The following ARHGAP6 variants were observed in gnomAD, a reference collection of about 807,000 sequenced individuals.
ARHGAP6 encodes Rho GTPase activating protein 6.
A neutral mutation model predicts 55.7 loss-of-function variants in ARHGAP6; 16 were observed. The ratio of observed to expected loss-of-function variants is 0.29; its 90% confidence interval spans 0.19 to 0.44. ARHGAP6 has a LOEUF of 0.44. ARHGAP6 is among the 20% of genes least tolerant of loss of function. The pLI, the probability that ARHGAP6 is intolerant of heterozygous loss-of-function variation, is 1.00. For synonymous variants in ARHGAP6, 382 were observed against 360.9 expected (o/e 1.06, Z -0.66); for missense variants, 698 against 808.9 (o/e 0.86, Z 1.66).
intron 1 of ARHGAP6, among the ~76,000 whole-genome samples, chrX:11,308,257 T>C (rs138891386): frequency 0.014 from 1,614 of 112,352 alleles, 31 homozygotes; most frequent in African/African-American, 0.05. Context: ...CCAGCAAGTA[T>C]TTAATTAGGC....
At position 11,664,360 on chromosome X, in the gene ARHGAP6, A is replaced by T; in HGVS notation, c.469T>A (p.Cys157Ser). ...CCATTGGGGCCTCCCCCGGATGAAC[A>T]GAGGATGCTGGAAGCGCTTCGGCTA... ...ASSRSASSIL[C>S]SSGGGPNGIF... The change falls in exon 1 of 13, where the codon TGT (cysteine) becomes AGT (serine). Residue 157 changes from cysteine to serine, a missense_variant. Transcript: ENST00000337414. 8.2e-7 allele frequency: 1 copy of T among 1,212,302 alleles called. No individual in the cohort carries two copies. Among genetic ancestry groups the T allele is most frequent in the African/African-American group, 1.7e-5 (1 of 58,037 alleles).
At chrX:11,226,802 T>A (rs995134778) in intron 2 of ARHGAP6, among the ~76,000 whole-genome samples, 8 of 111,430 alleles carry the variant, frequency 7.2e-5, no homozygotes, top group African/African-American at 2.6e-4. Context: ...AATGTAGGAG[T>A]GTTTTATGGC....
intron 1 of ARHGAP6, among the ~76,000 whole-genome samples, chrX:11,495,093 T>G (rs1287692763): frequency 8.9e-6 from 1 of 112,228 alleles, no homozygotes; most frequent in Non-Finnish European, 1.9e-5. Flanking sequence ...CAATAATGTT[T>G]GAGCCAAGTA....
intron 1 of ARHGAP6, among the ~76,000 whole-genome samples, chrX:11,483,218 C>T (rs759300930): frequency 8.9e-6 from 1 of 111,878 alleles, no homozygotes; most frequent in Non-Finnish European, 1.9e-5. Flanking sequence ...ACAGAACTTG[C>T]AATGTGTTCA....
At chrX:11,468,243 T>C (rs945743051) in intron 1 of ARHGAP6, among the ~76,000 whole-genome samples, 2 of 111,751 alleles carry the variant, frequency 1.8e-5, no homozygotes, top group African/African-American at 6.5e-5. Context: ...CTTTTGTGTG[T>C]ATACATTTCA....
At position 11,286,606 on chromosome X, in the gene ARHGAP6, CCT is replaced by C; in HGVS notation, c.589-31901_589-31900del. Among the ~76,000 whole-genome samples the C allele has an allele frequency of 4.5e-5, 5 of 111,236 alleles. No homozygotes were observed. In the Admixed American group the frequency reaches 4.8e-4, roughly 11 times the overall value. The stretch of plus-strand genomic sequence containing the variant: ...GTTTCAACTAGGGGCGAATTTGCCC[CCT>C]CACTCCCCCATCAAACATATGCGAT... On this transcript the variant is annotated intron_variant, in intron 1 of 12. Coordinates refer to ENST00000337414, the MANE Select transcript of ARHGAP6 (RefSeq NM_013427.3).
rs189853143 is a variant in ARHGAP6 at position 11,443,244 on chromosome X, G to A, written c.589-188537C>T. Among the ~76,000 whole-genome samples, 31 of 112,494 alleles carry A rather than the reference G, an allele frequency of 2.8e-4. 1 individual carries two copies. The East Asian group carries it at 7.0e-3, about 25-fold the overall frequency. ...GCAGGTAGCGAGACTCCTCTTCATC[G>A]CTAAAAGTATTCCATCATATGAATA... On this transcript the variant is annotated intron_variant, in intron 1 of 12. Transcript: ENST00000337414.
chrX:11,459,892 T>C (rs2050227708), intron 1 of ARHGAP6, among the ~76,000 whole-genome samples: 1 of 111,248 alleles, frequency 9.0e-6, no homozygotes, highest in Non-Finnish European at 1.9e-5. Context: ...GTTGTGCATT[T>C]AATAGTGAGT....
At chrX:11,424,900 G>T (rs1440525517) in intron 1 of ARHGAP6, among the ~76,000 whole-genome samples, 4 of 112,316 alleles carry the variant, frequency 3.6e-5, no homozygotes, top group African/African-American at 1.3e-4. Context: ...GTAAATGGAG[G>T]ATGTTCTTGT....
intron 1 of ARHGAP6, among the ~76,000 whole-genome samples, chrX:11,476,517 A>C (rs777389506): frequency 8.9e-6 from 1 of 111,851 alleles, no homozygotes; most frequent in South Asian, 3.7e-4. Flanking sequence ...ATACATTTTG[A>C]ATAGGAATAA....
At chrX:11,225,938 T>C (rs1158333790) in intron 2 of ARHGAP6, among the ~76,000 whole-genome samples, 1 of 110,214 alleles carries the variant, frequency 9.1e-6, no homozygotes, top group Non-Finnish European at 1.9e-5. Context: ...GGATTTATAG[T>C]TTTTACTTTT....
chrX:11,478,211 T>C (rs191418156), intron 1 of ARHGAP6, among the ~76,000 whole-genome samples: 13 of 111,405 alleles, frequency 1.2e-4, no homozygotes, highest in Admixed American at 1.0e-3. Context: ...GAGAAATGAG[T>C]ATGTATGTCC....
At chrX:11,241,364 A>G (rs2047275435) in intron 2 of ARHGAP6, among the ~76,000 whole-genome samples, 1 of 111,087 alleles carries the variant, frequency 9.0e-6, no homozygotes, top group Non-Finnish European at 1.9e-5. Context: ...ATTGGTGAAA[A>G]AGATGAGAAA....
At chrX:11,603,122 AT>A (rs1315800108) in intron 1 of ARHGAP6, among the ~76,000 whole-genome samples, 1 of 111,778 alleles carries the variant, frequency 8.9e-6, no homozygotes, top group African/African-American at 3.3e-5. Context: ...GCAGAGTGGA[AT>A]TTCTGCCCTG....
chrX:11,539,727 A>G (rs2051138349), intron 1 of ARHGAP6, among the ~76,000 whole-genome samples: 1 of 111,720 alleles, frequency 9.0e-6, no homozygotes, highest in Non-Finnish European at 1.9e-5. Flanking sequence ...CCACTGTTTT[A>G]GGAGGGGTTG....
chrX:11,267,247 A>T (rs910886178), intron 1 of ARHGAP6, among the ~76,000 whole-genome samples: 1 of 112,177 alleles, frequency 8.9e-6, no homozygotes, highest in Admixed American at 9.5e-5. Context: ...TAGGCAAATG[A>T]TCCTTTAGTT....
At chrX:11,323,702 T>A in intron 1 of ARHGAP6, among the ~76,000 whole-genome samples, 1 of 109,319 alleles carries the variant, frequency 9.1e-6, no homozygotes, top group Middle Eastern at 4.6e-3. Flanking sequence ...CTGTCTCTAC[T>A]AAAAATACAA....
intron 2 of ARHGAP6, among the ~76,000 whole-genome samples, chrX:11,240,954 G>T (rs1407884573): frequency 1.0e-5 from 1 of 99,716 alleles, no homozygotes; most frequent in Non-Finnish European, 2.0e-5. Flanking sequence ...GTGGGGTGGG[G>T]TGGGGGGCTG....
intron 1 of ARHGAP6, among the ~76,000 whole-genome samples, chrX:11,657,881 G>C (rs994473798): frequency 9.0e-6 from 1 of 111,722 alleles, no homozygotes; most frequent in Non-Finnish European, 1.9e-5. Flanking sequence ...GAGCAGGGAG[G>C]GGACGTGGTA....
Sources: allele counts gnomAD v4.1 joint callset (sites outside exome capture counted in the v4.1 genomes callset), GRCh38; gene constraint gnomAD v4.1.1; transcripts MANE v1.5; gene names NCBI Gene and HGNC (gene_info 2026-07-23, HGNC 2026-07-21).